Variants in XXYLT1 observed in about 807,000 individuals in gnomAD.
XXYLT1 encodes the protein xyloside xylosyltransferase 1.
A neutral mutation model predicts 28.9 loss-of-function variants in XXYLT1; 20 were observed. The observed-to-expected ratio is 0.69, with a 90% CI of 0.49 to 1.00. The LOEUF (loss-of-function observed/expected upper bound fraction) is 1.00, where lower values mean the gene tolerates loss of function less well. XXYLT1 is among the 50% of genes least tolerant of loss of function. The pLI is 0.00. For synonymous variants in XXYLT1, 257 were observed against 253.8 expected (o/e 1.01, Z -0.12); for missense variants, 542 against 560.1 (o/e 0.97, Z 0.33).
intron 2 of XXYLT1, among the ~76,000 whole-genome samples, chr3:195,169,255 C>T (rs1484363651): frequency 6.6e-6 from 1 of 152,234 alleles, no homozygotes; most frequent in Admixed American, 6.5e-5. Context: ...GGCTCCATCC[C>T]GGCACGGCAG....
At chr3:195,086,155 G>T (rs934025262) in intron 3 of XXYLT1, 4 of 152,362 alleles carry the variant, frequency 2.6e-5, no homozygotes, top group African/African-American at 9.6e-5. Flanking sequence ...CGCGCTGTGT[G>T]CCTCGAAGCC....
rs542683555 is a variant in XXYLT1 at position 195,269,980 on chromosome 3, C to G, written c.504+575G>C. On this transcript the variant is annotated intron_variant, in intron 1 of 3. Transcript: ENST00000310380. ...GCTTTCTCTTCCTCATTCGGAGGAA[C>G]TCCAGGCTTCTCTAAATGGGTTCAT... 7.7e-5 allele frequency: 13 copies of G among 168,346 alleles called. No homozygotes were observed. In the South Asian group the frequency reaches 1.4e-3, roughly 19 times the overall value. The allele number at this position is 168,346 out of a possible 1,614,324, so 10.4% of individuals were successfully genotyped here.
intron 2 of XXYLT1, among the ~76,000 whole-genome samples, chr3:195,187,237 C>CAAA (rs749480905): frequency 1.8e-5 from 2 of 108,370 alleles, no homozygotes; most frequent in Non-Finnish European, 3.8e-5. Context: ...GACTCCATCT[C>CAAA]AAAAAAAAAA....
intron 3 of XXYLT1, among the ~76,000 whole-genome samples, chr3:195,101,776 T>G (rs1577026460): frequency 8.1e-6 from 1 of 123,986 alleles, no homozygotes. Context: ...GCCTGGGAAA[T>G]GTAGCGAGAC....
At position 195,087,818 on chromosome 3, in the gene XXYLT1, G is replaced by T. The variant is rs562382303; in HGVS notation, c.786-17707C>A. ...GCCAGACAGTGGGCGCAGGTCAGTG[G>T]GTGCGCGCACCGTGCGCGAGCCGAA... is the stretch of plus-strand genomic sequence containing the variant. On this transcript the variant is annotated intron_variant, in intron 3 of 3. Coordinates refer to ENST00000310380, the MANE Select transcript of XXYLT1 (RefSeq NM_152531.5). Among the ~76,000 whole-genome samples the T allele has an allele frequency of 2.8e-4, 43 of 152,186 alleles. No individual in the cohort carries two copies. The South Asian group carries it at 7.5e-3, about 26-fold the overall frequency.
rs555838430 is a variant in XXYLT1, at chr3:195,195,212, G to A, written c.652+31497C>T. On this transcript the variant is annotated intron_variant, in intron 2 of 3. Transcript: ENST00000310380. The surrounding 1 kb of genome is among the most constrained non-coding windows in gnomAD (Gnocchi z 4.4). ...CCCTCCAGTGATAAAGCTGGCTACC[G>A]TTCTCATAAATGTTCTCTTAAGTGA... Among the ~76,000 whole-genome samples the A allele has an allele frequency of 9.2e-5, 14 of 152,180 alleles. No homozygotes were observed. The highest frequency in any genetic ancestry group is 2.0e-4 in the Admixed American group (3 of 15,280).
chr3:195,122,114 T>C (rs1285504419), intron 3 of XXYLT1: 11 of 702,936 alleles, frequency 1.6e-5, no homozygotes, highest in Non-Finnish European at 2.1e-5. Context: ...GATGGCTGCC[T>C]TTCCCCAGTC....
chr3:195,090,068 A>G (rs1716045718), intron 3 of XXYLT1, among the ~76,000 whole-genome samples: 1 of 149,864 alleles, frequency 6.7e-6, no homozygotes, highest in African/African-American at 2.5e-5. Flanking sequence ...ACTCCCACAC[A>G]TTAATAATGG....
chr3:195,187,108 G>C (rs891825171), intron 2 of XXYLT1, among the ~76,000 whole-genome samples: 2 of 151,014 alleles, frequency 1.3e-5, no homozygotes, highest in Non-Finnish European at 3.0e-5. Context: ...CGTGGTGGCG[G>C]GCGCCTGTAG....
At chr3:195,175,296 C>T (rs530934660) in intron 2 of XXYLT1, among the ~76,000 whole-genome samples, 15 of 152,302 alleles carry the variant, frequency 9.8e-5, no homozygotes, top group Non-Finnish European at 1.9e-4. Flanking sequence ...AGGAGGGCCA[C>T]GCAGCGTGCA....
chr3:195,191,840 A>G (rs1475271698), intron 2 of XXYLT1, among the ~76,000 whole-genome samples: 1 of 152,244 alleles, frequency 6.6e-6, no homozygotes, highest in African/African-American at 2.4e-5. Context: ...TACGCACCTA[A>G]AAATAGACCT....
At chr3:195,160,483 C>T (rs531725003) in intron 2 of XXYLT1, among the ~76,000 whole-genome samples, 35 of 152,346 alleles carry the variant, frequency 2.3e-4, no homozygotes, top group African/African-American at 8.2e-4. Flanking sequence ...ACTCCAGCGT[C>T]CTGAGGCTGA....
intron 3 of XXYLT1, among the ~76,000 whole-genome samples, chr3:195,139,442 C>T (rs1719369595): frequency 6.6e-6 from 1 of 152,236 alleles, no homozygotes; most frequent in Admixed American, 6.5e-5. Flanking sequence ...GATCTCTCAT[C>T]TCTGTCCACA....
chr3:195,143,820 A>ATATATATC (rs1560116999), intron 3 of XXYLT1, among the ~76,000 whole-genome samples: 1 of 98,760 alleles, frequency 1.0e-5, no homozygotes, highest in African/African-American at 3.9e-5. Context: ...ATATAGATAT[A>ATATATATC]GATATATATA....
intron 3 of XXYLT1, among the ~76,000 whole-genome samples, chr3:195,102,987 T>C (rs1004706431): frequency 9.9e-5 from 15 of 152,224 alleles, no homozygotes; most frequent in African/African-American, 3.4e-4. Flanking sequence ...TGGCTATCTC[T>C]TGTGTTTTTG....
At position 195,069,812 on chromosome 3, in the gene XXYLT1, T is replaced by A. The variant is rs374676960; in HGVS notation, c.1085A>T (p.Asp362Val). The A allele has an allele frequency of 7.4e-6, 12 of 1,614,074 alleles. No individual in the cohort carries two copies. The highest frequency in any genetic ancestry group is 1.0e-5 in the Non-Finnish European group (12 of 1,180,006). Residue 362 changes from aspartate to valine, a missense_variant, in exon 4 of 4, where the codon GAC (aspartate) becomes GTC (valine). Physicochemically the swap from Asp to Val is radical, Grantham distance 152. Coordinates refer to ENST00000310380, the MANE Select transcript of XXYLT1 (RefSeq NM_152531.5). ...CTCGAAGACGTCACTGTAGCCATGG[T>A]CCCTCCACCAGGTGCACAGCTGCCG... ...WNRQLCTWWR[D>V]HGYSDVFEAY...
intron 3 of XXYLT1, among the ~76,000 whole-genome samples, chr3:195,080,117 C>T (rs11929155): frequency 0.013 from 1,995 of 152,144 alleles, 37 homozygotes; most frequent in African/African-American, 0.045. Context: ...GGGAGGAGAA[C>T]GTGCCTCGGG....
chr3:195,137,517 G>T (rs1466962420), intron 3 of XXYLT1, among the ~76,000 whole-genome samples: 1 of 152,182 alleles, frequency 6.6e-6, no homozygotes, highest in Non-Finnish European at 1.5e-5. Context: ...AGAGAAAGGG[G>T]CTAGTGGCAG....
At chr3:195,090,516 G>A (rs140006418) in intron 3 of XXYLT1, among the ~76,000 whole-genome samples, 4,489 of 149,560 alleles carry the variant, frequency 0.03, 276 homozygotes, top group African/African-American at 0.11. Flanking sequence ...TCTCTGGGAC[G>A]CATTCAAAGC....
Sources: gnomAD v4.1 joint callset for allele counts (sites outside exome capture counted in the v4.1 genomes callset) on GRCh38, gnomAD v4.1.1 for gene constraint, Gnocchi (gnomAD v3.1) non-coding constraint, MANE v1.5 for transcripts, NCBI Gene and HGNC (gene_info 2026-07-23, HGNC 2026-07-21) for gene names.